Variants in LAMA2 observed in about 807,000 individuals in gnomAD.
The protein encoded by LAMA2 is laminin subunit alpha 2.
Under a neutral mutation model 364.8 loss-of-function variants are expected in LAMA2, and 269 were observed. That is an observed-to-expected ratio of 0.74 (90% CI 0.67 to 0.82). The LOEUF (loss-of-function observed/expected upper bound fraction) is 0.82. Among genes scored for constraint, LAMA2 ranks in the 40% least tolerant of loss-of-function variants. The pLI is 0.00. For synonymous variants in LAMA2, 1,379 were observed against 1,370.6 expected (o/e 1.01, Z -0.14); for missense variants, 3,807 against 3,873.2 (o/e 0.98, Z 0.45).
intron 1 of LAMA2, among the ~76,000 whole-genome samples, chr6:128,956,063 A>G (rs1268073501): frequency 6.6e-6 from 1 of 152,006 alleles, no homozygotes; most frequent in Admixed American, 6.6e-5. Context: ...AGCAATTCAC[A>G]CAATTCACAA....
At chr6:129,225,610 A>T (rs568709996) in intron 12 of LAMA2, among the ~76,000 whole-genome samples, 4 of 152,162 alleles carry the variant, frequency 2.6e-5, no homozygotes, top group African/African-American at 9.7e-5. Context: ...TCATTCAGGA[A>T]CAGGTTGTTC....
chr6:128,945,179 G>T (rs980217168), intron 1 of LAMA2, among the ~76,000 whole-genome samples: 1 of 152,168 alleles, frequency 6.6e-6, no homozygotes, highest in Non-Finnish European at 1.5e-5. Flanking sequence ...TCATGAGTGT[G>T]CCTCACTTGC....
At chr6:129,062,562 A>T (rs975344884) in intron 3 of LAMA2, among the ~76,000 whole-genome samples, 64 of 152,088 alleles carry the variant, frequency 4.2e-4, no homozygotes, top group African/African-American at 1.5e-3. Context: ...TAGAACCCTC[A>T]TTTTCTAGTA....
intron 29 of LAMA2, among the ~76,000 whole-genome samples, chr6:129,330,950 G>T (rs977152749): frequency 1.3e-5 from 2 of 151,612 alleles, no homozygotes; most frequent in Admixed American, 1.3e-4. Flanking sequence ...CTCACTGCAA[G>T]CTCCGCCTCT....
intron 1 of LAMA2, among the ~76,000 whole-genome samples, chr6:128,887,998 A>G (rs6913749): frequency 0.024 from 3,599 of 152,290 alleles, 128 homozygotes; most frequent in African/African-American, 0.083. Flanking sequence ...ATTATTGTAA[A>G]TAATTATTGT....
intron 1 of LAMA2, among the ~76,000 whole-genome samples, chr6:128,944,809 A>G (rs920228308): frequency 3.9e-5 from 6 of 152,156 alleles, no homozygotes; most frequent in African/African-American, 1.4e-4. Flanking sequence ...CAGGAGCAAG[A>G]GAGAGTGGGA....
chr6:129,416,898 C>G (rs1583698620), intron 40 of LAMA2, among the ~76,000 whole-genome samples: 1 of 152,254 alleles, frequency 6.6e-6, no homozygotes, highest in East Asian at 1.9e-4. Context: ...GGTCCTGGCT[C>G]TATGTGAGGC....
At chr6:128,925,608 G>T (rs1302779773) in intron 1 of LAMA2, among the ~76,000 whole-genome samples, 6 of 152,118 alleles carry the variant, frequency 3.9e-5, no homozygotes, top group Admixed American at 1.3e-4. Flanking sequence ...ACAATGTGAA[G>T]GTACTAATAC....
At chr6:128,887,840 A>G (rs954243103) in intron 1 of LAMA2, among the ~76,000 whole-genome samples, 14 of 152,200 alleles carry the variant, frequency 9.2e-5, no homozygotes, top group Non-Finnish European at 1.0e-4. Context: ...ATTGCACTCC[A>G]GCCTGGGCAA....
chr6:129,268,180 C>T (rs1176081592), intron 16 of LAMA2, among the ~76,000 whole-genome samples: 1 of 152,028 alleles, frequency 6.6e-6, no homozygotes, highest in Non-Finnish European at 1.5e-5. Flanking sequence ...TGTTGATGCT[C>T]TTTCCCTTTT....
chr6:129,427,906 A>G (rs1172179707), intron 41 of LAMA2, 52 bp downstream of exon 41: 1 of 1,083,356 alleles, frequency 9.2e-7, no homozygotes, highest in East Asian at 2.4e-5. Flanking sequence ...GTTGTTACTG[A>G]TAAGATATTC....
At chr6:129,480,160 C>G (rs1784278387) in intron 54 of LAMA2, among the ~76,000 whole-genome samples, 1 of 152,114 alleles carries the variant, frequency 6.6e-6, no homozygotes, top group Non-Finnish European at 1.5e-5. Flanking sequence ...TTTATCTGAA[C>G]TATCTAAAAC....
intron 2 of LAMA2, among the ~76,000 whole-genome samples, chr6:129,056,650 T>C (rs555847829): frequency 2.0e-3 from 303 of 152,316 alleles, no homozygotes; most frequent in Non-Finnish European, 3.6e-3. Context: ...GTAAATGTTA[T>C]GACAGTGTAT....
At chr6:128,962,032 C>T (rs929657173) in intron 1 of LAMA2, among the ~76,000 whole-genome samples, 7 of 147,108 alleles carry the variant, frequency 4.8e-5, no homozygotes, top group African/African-American at 1.1e-4. Context: ...CAGACACATC[C>T]TATCCCCAGC....
chr6:129,095,183 G>A (rs902088219), intron 3 of LAMA2, among the ~76,000 whole-genome samples: 1 of 152,160 alleles, frequency 6.6e-6, no homozygotes, highest in Non-Finnish European at 1.5e-5. Flanking sequence ...ATAACTTGTG[G>A]CTTACTGTCC....
chr6:129,146,415 T>C (rs1778453299), intron 5 of LAMA2, among the ~76,000 whole-genome samples: 1 of 151,960 alleles, frequency 6.6e-6, no homozygotes, highest in African/African-American at 2.4e-5. Context: ...AATATAAAAA[T>C]GCAAATGTTC....
chr6:129,326,150 G>A (rs1028516059), intron 28 of LAMA2, among the ~76,000 whole-genome samples: 3 of 152,140 alleles, frequency 2.0e-5, no homozygotes, highest in Non-Finnish European at 4.4e-5. Context: ...TTTTCCATGT[G>A]CCCTTTTAAA....
intron 12 of LAMA2, among the ~76,000 whole-genome samples, chr6:129,209,664 G>A (rs972681192): frequency 1.3e-5 from 2 of 152,076 alleles, no homozygotes; most frequent in African/African-American, 4.8e-5. Flanking sequence ...TCTCAAGTGC[G>A]GTGCTCAGGC....
intron 10 of LAMA2, among the ~76,000 whole-genome samples, chr6:129,180,691 C>T (rs1780874198): frequency 6.6e-6 from 1 of 151,974 alleles, no homozygotes; most frequent in South Asian, 2.1e-4. Context: ...TTTAAAAATA[C>T]AGATATGCTG....
Sources: gnomAD v4.1 joint callset for allele counts (sites outside exome capture counted in the v4.1 genomes callset) on GRCh38, gnomAD v4.1.1 for gene constraint, MANE v1.5 for transcripts, NCBI Gene and HGNC (gene_info 2026-07-23, HGNC 2026-07-21) for gene names.